The following ATP9B variants were observed in gnomAD, a reference collection of about 807,000 sequenced individuals.
ATP9B encodes ATPase phospholipid transporting 9B, also known as probable phospholipid-transporting ATPase IIB.
Under a neutral mutation model 146.1 loss-of-function variants are expected in ATP9B, and 110 were observed. That is an observed-to-expected ratio of 0.75 (90% CI 0.65 to 0.88). The LOEUF (loss-of-function observed/expected upper bound fraction) is 0.88, where lower values mean the gene tolerates loss of function less well. Among genes scored for constraint, ATP9B ranks in the 40% least tolerant of loss-of-function variants. ATP9B has a pLI of 0.00. For synonymous variants in ATP9B, 604 were observed against 569.7 expected, an observed-to-expected ratio of 1.06 and a Z score of -0.86; for missense variants, 1,499 against 1,496.4, an observed-to-expected ratio of 1.00 and a Z score of -0.03.
intron 11 of ATP9B, among the ~76,000 whole-genome samples, chr18:79,252,937 C>A (rs1372851828): frequency 1.3e-5 from 2 of 152,120 alleles, no homozygotes; most frequent in East Asian, 1.9e-4. Flanking sequence ...GGCACCCACA[C>A]GGATAACAGA....
intron 26 of ATP9B, chr18:79,363,657 G>C (rs888506716): frequency 3.9e-5 from 6 of 152,292 alleles, no homozygotes; most frequent in African/African-American, 1.4e-4. Context: ...GATGTTCCTG[G>C]ATTCGGAGGC....
intron 1 of ATP9B, among the ~76,000 whole-genome samples, chr18:79,072,690 C>T (rs1308170893): frequency 3.4e-5 from 5 of 145,430 alleles, no homozygotes; most frequent in Non-Finnish European, 3.0e-5. Flanking sequence ...AGGCGGCTGC[C>T]GGGTGGGGGC....
At chr18:79,249,405 T>C (rs2096001224) in intron 11 of ATP9B, among the ~76,000 whole-genome samples, 1 of 151,874 alleles carries the variant, frequency 6.6e-6, no homozygotes, top group South Asian at 2.1e-4. Flanking sequence ...TTCAAATAAA[T>C]ATTATGACAA....
chr18:79,173,031 G>A (rs540056860), intron 7 of ATP9B, among the ~76,000 whole-genome samples: 63 of 152,276 alleles, frequency 4.1e-4, no homozygotes, highest in African/African-American at 1.2e-3. Context: ...ACATTTGGCC[G>A]ATGTTTGATG....
intron 12 of ATP9B, among the ~76,000 whole-genome samples, chr18:79,259,696 C>A (rs1165978044): frequency 6.6e-6 from 1 of 152,190 alleles, no homozygotes; most frequent in East Asian, 1.9e-4. Context: ...GCAGTCAGCA[C>A]ACCCCCAGAT....
intron 8 of ATP9B, among the ~76,000 whole-genome samples, chr18:79,192,366 C>T (rs889634602): frequency 1.1e-4 from 17 of 152,136 alleles, no homozygotes; most frequent in Middle Eastern, 3.4e-3. Context: ...CAAGACCACC[C>T]GAAATTAGAT....
At chr18:79,351,014 A>C (rs1409388058) in intron 25 of ATP9B, among the ~76,000 whole-genome samples, 1 of 151,890 alleles carries the variant, frequency 6.6e-6, no homozygotes, top group African/African-American at 2.4e-5. Flanking sequence ...CAAATGATCC[A>C]CCTGCCTCAG....
At chr18:79,133,508 A>AACACACACACACACAC (rs370697424) in intron 5 of ATP9B, among the ~76,000 whole-genome samples, 3 of 147,786 alleles carry the variant, frequency 2.0e-5, no homozygotes, top group Admixed American at 6.8e-5. Flanking sequence ...AGTGGTTATA[A>AACACACACACACACAC]ACACACACAC....
intron 12 of ATP9B, among the ~76,000 whole-genome samples, chr18:79,263,452 A>G (rs908630021): frequency 3.3e-5 from 5 of 152,240 alleles, no homozygotes; most frequent in African/African-American, 1.2e-4. Context: ...AAAAGAGTCC[A>G]TATCTGAGAG....
At chr18:79,266,153 A>G (rs549735095) in intron 12 of ATP9B, among the ~76,000 whole-genome samples, 2 of 151,856 alleles carry the variant, frequency 1.3e-5, no homozygotes, top group African/African-American at 4.8e-5. Context: ...GTATCTCTCA[A>G]TTTTTTTTAG....
intron 12 of ATP9B, among the ~76,000 whole-genome samples, chr18:79,265,094 C>T (rs537706541): frequency 7.2e-5 from 11 of 152,290 alleles, no homozygotes; most frequent in African/African-American, 1.4e-4. Flanking sequence ...CCCCAGTGTG[C>T]GTTGTTCTCT....
chr18:79,271,334 C>T (rs920549416), intron 12 of ATP9B, among the ~76,000 whole-genome samples: 4 of 151,980 alleles, frequency 2.6e-5, no homozygotes, highest in Non-Finnish European at 4.4e-5. Flanking sequence ...GTGTGCTGCA[C>T]CCATTAACTT....
intron 8 of ATP9B, among the ~76,000 whole-genome samples, chr18:79,190,860 T>C (rs2095359335): frequency 6.6e-6 from 1 of 152,150 alleles, no homozygotes; most frequent in African/African-American, 2.4e-5. Flanking sequence ...TTATTTATAT[T>C]TTAAAGGAAT....
At chr18:79,338,416 C>T (rs1455944939) in intron 19 of ATP9B, among the ~76,000 whole-genome samples, 1 of 152,254 alleles carries the variant, frequency 6.6e-6, no homozygotes, top group Non-Finnish European at 1.5e-5. Flanking sequence ...CCCCACCATG[C>T]TCCCAGCAGC....
chr18:79,159,739 T>C (rs1001525998), intron 7 of ATP9B, among the ~76,000 whole-genome samples: 35 of 152,238 alleles, frequency 2.3e-4, no homozygotes, highest in Admixed American at 1.4e-3. Context: ...CTCTGTCCTT[T>C]GCTTTGCAGC....
intron 6 of ATP9B, among the ~76,000 whole-genome samples, chr18:79,148,317 T>G (rs2094624938): frequency 1.3e-5 from 2 of 152,194 alleles, no homozygotes; most frequent in Admixed American, 1.3e-4. Flanking sequence ...CAAGAATATC[T>G]TTATCTCAGT....
chr18:79,374,017 A>G lies in ATP9B; in HGVS notation c.3190A>G (p.Thr1064Ala). 1 of 1,614,198 alleles carries G rather than the reference A, an allele frequency of 6.2e-7. No homozygotes were observed. Among genetic ancestry groups the G allele is most frequent in the South Asian group, 1.1e-5 (1 of 91,082 alleles). Residue 1064 changes from threonine to alanine, a missense_variant, in exon 28 of 30, where the codon ACG becomes GCG. By Grantham distance (58) the Thr-to-Ala change is moderately conservative. Coordinates refer to ENST00000426216, the MANE Select transcript of ATP9B (RefSeq NM_198531.5). ...ELLMVALTVRTWHWLMVVAEF... is the reference protein window; with the variant it reads ...ELLMVALTVRAWHWLMVVAEF... ...GCTGATGGTGGCGCTGACCGTCCGC[A>G]CGTGGCACTGGCTGATGGTGGTGGC... is the stretch of plus-strand genomic sequence containing the variant.
At chr18:79,120,432 C>T (rs2094168614) in intron 4 of ATP9B, among the ~76,000 whole-genome samples, 1 of 152,136 alleles carries the variant, frequency 6.6e-6, no homozygotes, top group Non-Finnish European at 1.5e-5. Context: ...ACAATGATAG[C>T]TTAATTAATA....
chr18:79,143,916 C>A, intron 6 of ATP9B, 56 bp downstream of exon 6: 2 of 1,089,858 alleles, frequency 1.8e-6, no homozygotes, highest in African/African-American at 1.6e-5. Flanking sequence ...TAATGTTTAG[C>A]CTGATTATAA....
Sources: allele counts gnomAD v4.1 joint callset (sites outside exome capture counted in the v4.1 genomes callset), GRCh38; gene constraint gnomAD v4.1.1; transcripts MANE v1.5; gene names NCBI Gene and HGNC (gene_info 2026-07-23, HGNC 2026-07-21).